Variants in CXXC5 observed in about 807,000 individuals in gnomAD.
CXXC5 encodes CXXC finger protein 5, also known as CXXC-type zinc finger protein 5.
Under a neutral mutation model 17.6 loss-of-function variants are expected in CXXC5, and 2 were observed. The ratio of observed to expected loss-of-function variants is 0.11; its 90% CI spans 0.05 to 0.36. The LOEUF is 0.36. CXXC5 is among the 10% of genes least tolerant of loss of function. The pLI, the probability that CXXC5 is intolerant of heterozygous loss-of-function variation, is 1.00. For missense variants in CXXC5, 343 were observed against 458.3 expected (o/e 0.75, Z 2.30); for synonymous variants, 171 against 193.0 (o/e 0.89, Z 0.94).
At chr5:139,659,294 G>A (rs1755653906) in intron 1 of CXXC5, among the ~76,000 whole-genome samples, 1 of 152,274 alleles carries the variant, frequency 6.6e-6, no homozygotes, top group East Asian at 1.9e-4. Context: ...GAGGCGCGGT[G>A]TCCAGCGGAA....
intron 1 of CXXC5, among the ~76,000 whole-genome samples, chr5:139,662,281 G>A (rs748601511): frequency 6.6e-6 from 1 of 152,114 alleles, no homozygotes; most frequent in Non-Finnish European, 1.5e-5. Context: ...TGCAAAATGG[G>A]TACAGAGCTG....
At chr5:139,672,189 C>T (rs1259985273) in intron 1 of CXXC5, among the ~76,000 whole-genome samples, 1 of 152,168 alleles carries the variant, frequency 6.6e-6, no homozygotes, top group Non-Finnish European at 1.5e-5. Flanking sequence ...GTGATCTTGG[C>T]TCACTGCAAC....
intron 2 of CXXC5, 65 bp from the exon 3 acceptor site, chr5:139,682,796 CTT>C (rs1309187282): frequency 2.7e-6 from 4 of 1,486,744 alleles, no homozygotes; most frequent in Admixed American, 2.1e-5. Flanking sequence ...GGGGGAACGT[CTT>C]TGCTCCAGGC....
chr5:139,650,640 C>T (rs1464727710), intron 1 of CXXC5, among the ~76,000 whole-genome samples: 1 of 152,188 alleles, frequency 6.6e-6, no homozygotes, highest in Non-Finnish European at 1.5e-5. Flanking sequence ...GGGCGTCTGT[C>T]CTTTGCAGTT....
intron 1 of CXXC5, among the ~76,000 whole-genome samples, chr5:139,656,770 G>A (rs1257580147): frequency 6.6e-6 from 1 of 152,140 alleles, no homozygotes; most frequent in Non-Finnish European, 1.5e-5. Context: ...TGTCACCCAG[G>A]CTGGAGTGCA....
At chr5:139,678,981 C>G (rs1757026782) in intron 1 of CXXC5, among the ~76,000 whole-genome samples, 1 of 152,230 alleles carries the variant, frequency 6.6e-6, no homozygotes, top group South Asian at 2.1e-4. Context: ...GCTGAGGAGG[C>G]AGCTCAGACG....
chr5:139,683,083 A>G lies in CXXC5; in HGVS notation c.*176A>G. On this transcript the variant is annotated 3_prime_UTR_variant, in exon 3 of 3. Transcript: ENST00000302517. Reference sequence around the variant, plus strand: ...TTTTTGTTGTCGTTTTAACATCTCCACGTCCCTAGCATAAAAAGAAAAAGA... The same window carrying G: ...TTTTTGTTGTCGTTTTAACATCTCCGCGTCCCTAGCATAAAAAGAAAAAGA... 6.5e-6 allele frequency: 3 copies of G among 463,786 alleles called. No individual in the cohort carries two copies. The highest frequency in any genetic ancestry group is 1.1e-5 in the Non-Finnish European group (3 of 282,624). The allele number at this position is 463,786 out of a possible 1,614,324, so 28.7% of individuals were successfully genotyped here. A position where few individuals can be genotyped will look rare whatever the true frequency, so the allele number is the denominator to read the frequency against.
At chr5:139,682,534 G>A (rs980897129) in intron 2 of CXXC5, among the ~76,000 whole-genome samples, 7 of 152,142 alleles carry the variant, frequency 4.6e-5, no homozygotes, top group African/African-American at 1.7e-4. Context: ...CACACCCGTC[G>A]CACGTGCTCA....
intron 1 of CXXC5, among the ~76,000 whole-genome samples, chr5:139,655,611 C>T (rs962631259): frequency 1.3e-5 from 2 of 151,998 alleles, no homozygotes; most frequent in African/African-American, 2.4e-5. Context: ...CTCTCCCCTT[C>T]GCTGACATCT....
In CXXC5 at chr5:139,683,570, G is replaced by A. The variant is rs1346480615; in HGVS notation, c.*663G>A. ...GAGACTGGGATCCCCCACCCCAACA[G>A]TGATTTTGGAAAAAAAAATGAAAGT... is the stretch of plus-strand genomic sequence containing the variant. On this transcript the variant is annotated 3_prime_UTR_variant, in exon 3 of 3. Transcript: ENST00000302517. The A allele has an allele frequency of 6.6e-6, 1 of 152,290 alleles. No individual in the cohort carries two copies. The highest frequency in any genetic ancestry group is 1.5e-5 in the Non-Finnish European group (1 of 68,016). 9.4% of individuals were successfully genotyped at this position (152,290 alleles called of 1,614,324 possible). A position where few individuals can be genotyped will look rare whatever the true frequency, so the allele number is the denominator to read the frequency against.
rs1465461665 is a variant in CXXC5 at position 139,663,543 on chromosome 5, G to A, written c.-161+14698G>A. Among the ~76,000 whole-genome samples, 4 of 152,128 alleles carry A rather than the reference G, an allele frequency of 2.6e-5. No homozygotes were observed. Among genetic ancestry groups the A allele is most frequent in the African/African-American group, 7.2e-5 (3 of 41,394 alleles). ...GTGCTACCCTCGTTGTAACCTTCAG[G>A]CTTCTACCACATGTCCATCCCCCCA... On this transcript the variant is annotated intron_variant, in intron 1 of 2. Transcript: ENST00000302517. This position sits in a 1 kb window ranked among gnomAD's most constrained non-coding sequence, Gnocchi z 4.2.
chr5:139,657,617 G>A (rs1046502677), intron 1 of CXXC5, among the ~76,000 whole-genome samples: 1 of 152,216 alleles, frequency 6.6e-6, no homozygotes, highest in Non-Finnish European at 1.5e-5. Context: ...AAGGCGGAGA[G>A]ATGTGGCCAG....
intron 2 of CXXC5, among the ~76,000 whole-genome samples, chr5:139,682,247 C>T (rs1757276955): frequency 6.6e-6 from 1 of 152,172 alleles, no homozygotes; most frequent in Admixed American, 6.5e-5. Flanking sequence ...TATGAGTGGG[C>T]TTGACGCAAA....
chr5:139,681,294 G>A lies in CXXC5; in HGVS notation c.771G>A (p.Lys257=), dbSNP rs776517284. 2 of 1,612,726 alleles carry A rather than the reference G, an allele frequency of 1.2e-6. No individual in the cohort carries two copies. Among genetic ancestry groups the A allele is most frequent in the African/African-American group, 1.3e-5 (1 of 74,958 alleles). ...GELASAISSG[K]KKRKRCGMCA... Reference sequence around the variant, plus strand: ...TGGCCTCTGCCATCAGCTCCGGCAAGAAGAAGCGGAAACGCTGCGGCATGT... The same window carrying A: ...TGGCCTCTGCCATCAGCTCCGGCAAAAAGAAGCGGAAACGCTGCGGCATGT... The change falls in exon 2 of 3, where the codon AAG becomes AAA. Residue 257 remains lysine (K), a synonymous_variant. Coordinates refer to ENST00000302517, the MANE Select transcript of CXXC5 (RefSeq NM_016463.9).
chr5:139,667,941 T>C (rs1756202650), intron 1 of CXXC5, among the ~76,000 whole-genome samples: 1 of 152,108 alleles, frequency 6.6e-6, no homozygotes, highest in South Asian at 2.1e-4. Context: ...GATGCAGAGC[T>C]CTGGTGTGCT....
chr5:139,669,922 G>C (rs1469170204), intron 1 of CXXC5, among the ~76,000 whole-genome samples: 1 of 152,174 alleles, frequency 6.6e-6, no homozygotes, highest in Non-Finnish European at 1.5e-5. Context: ...ACTGGGAGGT[G>C]CTCCGAGGTC....
At chr5:139,678,823 A>G (rs1211590554) in intron 1 of CXXC5, among the ~76,000 whole-genome samples, 1 of 152,126 alleles carries the variant, frequency 6.6e-6, no homozygotes, top group African/African-American at 2.4e-5. Context: ...CTCCCCCTTG[A>G]GCCTCCAGCT....
rs552688703 is a variant in CXXC5 at position 139,664,003 on chromosome 5, C to T, written c.-161+15158C>T. Among the ~76,000 whole-genome samples the T allele has an allele frequency of 5.9e-5, 9 of 152,310 alleles. 1 individual carries two copies. The South Asian group carries it at 1.9e-3, about 32-fold the overall frequency. On this transcript the variant is annotated intron_variant, in intron 1 of 2. Transcript: ENST00000302517. Reference sequence around the variant, plus strand: ...CCTGGCATGGCCTGAGCCTGTGTCTCTGAGATGAGGGGCTCCCCTCGCCCC... The same window carrying T: ...CCTGGCATGGCCTGAGCCTGTGTCTTTGAGATGAGGGGCTCCCCTCGCCCC...
Position 139,681,289 on chromosome 5 carries a change from G to T in CXXC5, c.766G>T (p.Gly256Cys). The part of the protein sequence containing the change: ...QGELASAISS[G>C]KKKRKRCGMC... ...AGAGCTGGCCTCTGCCATCAGCTCC[G>T]GCAAGAAGAAGCGGAAACGCTGCGG... The change falls in exon 2 of 3, where the codon GGC (glycine) becomes TGC (cysteine). Residue 256 changes from glycine to cysteine, a missense_variant. By Grantham distance (159) the Gly-to-Cys change is radical (BLOSUM62 -3). Coordinates refer to ENST00000302517, the MANE Select transcript of CXXC5 (RefSeq NM_016463.9). 1 of 1,612,786 alleles carries T rather than the reference G, an allele frequency of 6.2e-7. No homozygotes were observed. The highest frequency in any genetic ancestry group is 1.1e-5 in the South Asian group (1 of 91,040).
Sources: gnomAD v4.1 joint callset for allele counts (sites outside exome capture counted in the v4.1 genomes callset) on GRCh38, gnomAD v4.1.1 for gene constraint, Gnocchi (gnomAD v3.1) non-coding constraint, MANE v1.5 for transcripts, NCBI Gene and HGNC (gene_info 2026-07-23, HGNC 2026-07-21) for gene names.